ANKS1B: variants seen among roughly 807,000 people sequenced by gnomAD.
ANKS1B encodes the protein ankyrin repeat and sterile alpha motif domain-containing protein 1B.
In ANKS1B, 36 loss-of-function variants were observed where a neutral mutation model predicts 148.3. That is an observed-to-expected ratio of 0.24 (90% confidence interval 0.19 to 0.32). The LOEUF is 0.32. Among genes scored for constraint, ANKS1B ranks in the 10% least tolerant of loss-of-function variants. ANKS1B has a pLI of 1.00. For missense variants in ANKS1B, 1,157 were observed against 1,542.6 expected (o/e 0.75, Z 4.19); for synonymous variants, 542 against 560.8 (o/e 0.97, Z 0.47).
intron 26 of ANKS1B, 106 bp from the exon 27 acceptor site, chr12:98,745,955 G>A: frequency 2.4e-6 from 3 of 1,263,954 alleles, no homozygotes; most frequent in South Asian, 3.1e-5. Flanking sequence ...CCCCAGGCGC[G>A]GGGCGGCGAT....
chr12:99,565,618 C>T (rs2097382583), intron 9 of ANKS1B, among the ~76,000 whole-genome samples: 2 of 152,174 alleles, frequency 1.3e-5, no homozygotes, highest in Admixed American at 1.3e-4. Context: ...CTTGGTTCTG[C>T]CCTCTGAGTC....
In ANKS1B at chr12:98,954,349, A is replaced by G. The variant is rs998097505; in HGVS notation, c.2778+98808T>C. 4.6e-5 allele frequency: 7 copies of G among 152,218 alleles called. No homozygotes were observed. The South Asian group carries it at 6.2e-4, about 14-fold the overall frequency. The allele number at this position is 152,218 out of a possible 1,614,324, so 9.4% of individuals were successfully genotyped here. On this transcript the variant is annotated intron_variant, in intron 17 of 26. Coordinates refer to ENST00000683438, the MANE Select transcript of ANKS1B (RefSeq NM_001352186.2). ...CTTTCTTTTTCTATTTAAAGGAGGA[A>G]AAAACTCCCAAGACTCCTAGAAAGT...
intron 10 of ANKS1B, among the ~76,000 whole-genome samples, chr12:99,470,802 G>A (rs1303170642): frequency 6.6e-6 from 1 of 152,078 alleles, no homozygotes; most frequent in African/African-American, 2.4e-5. Flanking sequence ...ATTATAAAAT[G>A]AGAGTTTTGA....
chr12:99,530,491 G>A lies in ANKS1B; in HGVS notation c.1273-25850C>T, dbSNP rs561242101. Among the ~76,000 whole-genome samples the A allele has an allele frequency of 1.8e-4, 27 of 152,192 alleles. No individual in the cohort carries two copies. The South Asian group carries it at 2.3e-3, about 13-fold the overall frequency. On this transcript the variant is annotated intron_variant, in intron 9 of 26. Coordinates refer to ENST00000683438, the MANE Select transcript of ANKS1B (RefSeq NM_001352186.2). ...GTCACACTTATCCATAACTCTCCAC[G>A]TGAAAATACAAAGTCAGGGGAAAGA...
At chr12:98,890,568 A>C (rs2099750390) in intron 17 of ANKS1B, among the ~76,000 whole-genome samples, 1 of 152,252 alleles carries the variant, frequency 6.6e-6, no homozygotes, top group African/African-American at 2.4e-5. Context: ...TGATGTCTAA[A>C]CATAGGGAAA....
intron 4 of ANKS1B, among the ~76,000 whole-genome samples, chr12:99,782,686 A>C (rs924274118): frequency 1.4e-4 from 22 of 152,230 alleles, no homozygotes; most frequent in African/African-American, 4.3e-4. Flanking sequence ...GTGACTATGC[A>C]AGAAGCTCAT....
intron 14 of ANKS1B, among the ~76,000 whole-genome samples, chr12:99,177,506 A>G (rs532553645): frequency 2.2e-4 from 34 of 152,340 alleles, no homozygotes; most frequent in Non-Finnish European, 4.4e-4. Flanking sequence ...CTGATGATCT[A>G]TGTCTTTCTG....
At chr12:99,508,821 A>G (rs533975207) in intron 9 of ANKS1B, among the ~76,000 whole-genome samples, 7 of 151,848 alleles carry the variant, frequency 4.6e-5, no homozygotes, top group Non-Finnish European at 7.4e-5. Context: ...TTGGTTCCAT[A>G]TATATGTCTA....
chr12:99,466,978 C>G (rs1043069017), intron 10 of ANKS1B, among the ~76,000 whole-genome samples: 2 of 152,128 alleles, frequency 1.3e-5, no homozygotes, highest in African/African-American at 4.8e-5. Context: ...CTGGCAGAGA[C>G]ACAACCAAAA....
chr12:99,025,589 G>C (rs951909194), intron 17 of ANKS1B, among the ~76,000 whole-genome samples: 4 of 152,192 alleles, frequency 2.6e-5, no homozygotes, highest in African/African-American at 9.7e-5. Context: ...AATCAGGAAT[G>C]AGAGTTGGAT....
chr12:99,837,929 C>T (rs1468776899), intron 1 of ANKS1B, among the ~76,000 whole-genome samples: 1 of 148,502 alleles, frequency 6.7e-6, no homozygotes, highest in East Asian at 2.0e-4. Flanking sequence ...CACCGCCCAA[C>T]CCCAACCCTC....
chr12:99,570,544 G>A (rs1252846397), intron 9 of ANKS1B, among the ~76,000 whole-genome samples: 1 of 151,960 alleles, frequency 6.6e-6, no homozygotes, highest in African/African-American at 2.4e-5. Flanking sequence ...CTACTCAGGA[G>A]GCTGAGGCAG....
chr12:99,470,606 ACTT>A lies in ANKS1B; in HGVS notation c.1439-26800_1439-26798del. On this transcript the variant is annotated intron_variant, in intron 10 of 26. Transcript: ENST00000683438. The stretch of plus-strand genomic sequence containing the variant: ...ACATGTGGTTATAGTTTAATAGATT[ACTT>A]CTTTTATATGCCCACTGCAGCATGT... Among the ~76,000 whole-genome samples, 5 of 152,250 alleles carry A rather than the reference ACTT, an allele frequency of 3.3e-5. 1 individual carries two copies. Among genetic ancestry groups the A allele is most frequent in the Admixed American group, 3.3e-4 (5 of 15,272 alleles).
rs1432101401 is a variant in ANKS1B at position 99,812,168 on chromosome 12, C to G, written c.359G>C (p.Arg120Thr). 1 of 1,611,006 alleles carries G rather than the reference C, an allele frequency of 6.2e-7. No homozygotes were observed. The change falls in exon 3 of 27, where the codon AGG (arginine) becomes ACG (threonine). Residue 120 changes from arginine (R) to threonine (T), a missense_variant. Arg to Thr is a moderately conservative substitution (Grantham distance 71). Transcript: ENST00000683438. ...ILIHHGPSHS[R>T]VNEQNNENET... Reference sequence around the variant, plus strand: ...TGGCAAGTGCACCTGTTCATTGACCCTGGAATGTGATGGTCCATGATGAAT... The same window carrying G: ...TGGCAAGTGCACCTGTTCATTGACCGTGGAATGTGATGGTCCATGATGAAT...
rs1468158826 is a variant in ANKS1B at position 99,382,715 on chromosome 12, AAAAGAGAG to A, written c.1756+16908_1756+16915del. Among the ~76,000 whole-genome samples, 343 of 97,534 alleles carry A rather than the reference AAAAGAGAG, an allele frequency of 3.5e-3. 2 individuals are homozygous for A. The highest frequency in any genetic ancestry group is 0.014 in the African/African-American group (323 of 22,502). The allele number at this position is 97,534 out of a possible 152,430, so 64.0% of individuals were successfully genotyped here. ...TCTGTATTAAAAAAAAAAAAAAAAA[AAAAGAGAG>A]AGAGAGAGAGAGCTTGCACAAAAGC... On this transcript the variant is annotated intron_variant, in intron 12 of 26. Coordinates refer to ENST00000683438, the MANE Select transcript of ANKS1B (RefSeq NM_001352186.2).
chr12:99,735,869 C>T (rs1008149892), intron 8 of ANKS1B, among the ~76,000 whole-genome samples: 1 of 143,198 alleles, frequency 7.0e-6, no homozygotes, highest in Non-Finnish European at 1.5e-5. Context: ...CAACAAAATA[C>T]TAGCAAACTG....
intron 10 of ANKS1B, among the ~76,000 whole-genome samples, chr12:99,465,835 A>G (rs1212776405): frequency 1.3e-5 from 2 of 152,150 alleles, no homozygotes; most frequent in African/African-American, 4.8e-5. Flanking sequence ...CTCCCACACA[A>G]TAATAATGGG....
intron 12 of ANKS1B, among the ~76,000 whole-genome samples, chr12:99,363,182 A>G (rs184606830): frequency 6.6e-5 from 10 of 152,254 alleles, no homozygotes; most frequent in African/African-American, 2.4e-4. Context: ...AGAAGACTTC[A>G]CAAATTCCAC....
chr12:99,819,754 T>C lies in ANKS1B; in HGVS notation c.215+5555A>G, dbSNP rs1009535155. On this transcript the variant is annotated intron_variant, in intron 2 of 26. Coordinates refer to ENST00000683438, the MANE Select transcript of ANKS1B (RefSeq NM_001352186.2). ...TTGAAATATGAGTATACAGGTTTAA[T>C]ATAACCTCACAGGGAAAGATAAGAT... Among the ~76,000 whole-genome samples the C allele has an allele frequency of 9.2e-5, 14 of 151,570 alleles. No homozygotes were observed. In the South Asian group the frequency reaches 1.2e-3, roughly 13 times the overall value.
Sources: gnomAD v4.1 joint callset for allele counts (sites outside exome capture counted in the v4.1 genomes callset) on GRCh38, gnomAD v4.1.1 for gene constraint, MANE v1.5 for transcripts, NCBI Gene and HGNC (gene_info 2026-07-23, HGNC 2026-07-21) for gene names.